The following DCC variants were observed in gnomAD, a reference collection of about 807,000 sequenced individuals.
The protein encoded by DCC is DCC netrin 1 receptor.
In DCC, 58 loss-of-function variants were observed where a neutral mutation model predicts 172.5. That is an observed-to-expected ratio of 0.34 (90% CI 0.27 to 0.42). The LOEUF is 0.42. DCC is among the 10% of genes least tolerant of loss of function. The pLI is 1.00. For missense variants in DCC, 1,740 were observed against 1,791.0 expected, an observed-to-expected ratio of 0.97 and a Z score of 0.51; for synonymous variants, 709 against 644.5, an observed-to-expected ratio of 1.10 and a Z score of -1.52.
intron 2 of DCC, among the ~76,000 whole-genome samples, chr18:52,898,221 T>G (rs562073060): frequency 6.6e-6 from 1 of 152,220 alleles, no homozygotes; most frequent in Non-Finnish European, 1.5e-5. Flanking sequence ...GATAAGTCTC[T>G]TTTTATTAAA....
At chr18:52,823,198 G>A (rs1334217635) in intron 2 of DCC, among the ~76,000 whole-genome samples, 1 of 152,116 alleles carries the variant, frequency 6.6e-6, no homozygotes. Flanking sequence ...GCCAGGCTTT[G>A]TGGCTCACAC....
intron 5 of DCC, among the ~76,000 whole-genome samples, chr18:52,975,706 G>A (rs1014606889): frequency 9.2e-5 from 14 of 152,162 alleles, no homozygotes; most frequent in African/African-American, 3.4e-4. Context: ...ATTTATGGCT[G>A]CATAGTATTC....
chr18:53,517,969 T>TAC (rs1235531847), intron 27 of DCC, among the ~76,000 whole-genome samples: 4 of 152,166 alleles, frequency 2.6e-5, no homozygotes, highest in Admixed American at 2.6e-4. Flanking sequence ...GGTAGAGTAT[T>TAC]ACACAAAGTT....
At chr18:52,876,807 A>G (rs1394218742) in intron 2 of DCC, among the ~76,000 whole-genome samples, 4 of 151,192 alleles carry the variant, frequency 2.6e-5, no homozygotes, top group Non-Finnish European at 4.4e-5. Flanking sequence ...TTTGCCTTCC[A>G]TATCTCCCCT....
chr18:53,525,304 C>A (rs1409852394), intron 27 of DCC, among the ~76,000 whole-genome samples: 1 of 152,060 alleles, frequency 6.6e-6, no homozygotes, highest in South Asian at 2.1e-4. Context: ...CTTTTGTAGG[C>A]ACTCAGTAAA....
intron 5 of DCC, among the ~76,000 whole-genome samples, chr18:53,037,320 C>A (rs1233918817): frequency 1.3e-5 from 2 of 151,918 alleles, no homozygotes; most frequent in African/African-American, 2.4e-5. Flanking sequence ...TAAAGGGAAA[C>A]AACTGGAAGT....
chr18:52,395,706 A>C (rs2144360392), intron 1 of DCC, among the ~76,000 whole-genome samples: 1 of 152,008 alleles, frequency 6.6e-6, no homozygotes, highest in South Asian at 2.1e-4. Flanking sequence ...CCTTCTTCTT[A>C]CTCTGGCAAA....
chr18:52,512,272 C>T (rs922939951), intron 1 of DCC, among the ~76,000 whole-genome samples: 1 of 152,180 alleles, frequency 6.6e-6, no homozygotes, highest in Non-Finnish European at 1.5e-5. Flanking sequence ...CCTCCATCTA[C>T]ATTTCCTCCT....
At chr18:53,429,898 A>G (rs530476507) in intron 21 of DCC, among the ~76,000 whole-genome samples, 1 of 152,234 alleles carries the variant, frequency 6.6e-6, no homozygotes, top group South Asian at 2.1e-4. Context: ...GTTCTTTTCT[A>G]TTAAAATATT....
intron 1 of DCC, among the ~76,000 whole-genome samples, chr18:52,486,368 A>G (rs1217966518): frequency 1.3e-5 from 2 of 152,074 alleles, no homozygotes; most frequent in African/African-American, 4.8e-5. Context: ...AGTAGTAGGG[A>G]TAGAGTTCAG....
intron 1 of DCC, among the ~76,000 whole-genome samples, chr18:52,351,260 G>A (rs1984108518): frequency 6.6e-6 from 1 of 152,136 alleles, no homozygotes; most frequent in Non-Finnish European, 1.5e-5. Context: ...ACATAATAAT[G>A]GCTTAGCTAA....
At position 53,226,211 on chromosome 18, in the gene DCC, A is replaced by G. The variant is rs182772878; in HGVS notation, c.1911+10614A>G. 5.6e-3 allele frequency among the ~76,000 whole-genome samples: 847 copies of G among 152,284 alleles called. 6 individuals carry two copies. Among genetic ancestry groups the G allele is most frequent in the Admixed American group, 0.023 (352 of 15,292 alleles). On this transcript the variant is annotated intron_variant, in intron 12 of 28. Transcript: ENST00000442544. ...AGGGAAGGGATGCAAATCAGAATAC[A>G]AAAATAAGCCTTGCATTCAAGTGGC...
At chr18:53,035,262 G>A (rs8085965) in intron 5 of DCC, among the ~76,000 whole-genome samples, 2 of 151,846 alleles carry the variant, frequency 1.3e-5, no homozygotes, top group Admixed American at 6.6e-5. Context: ...CATACCACCC[G>A]AAATGCACAT....
At chr18:52,947,093 C>T (rs1205832133) in intron 5 of DCC, among the ~76,000 whole-genome samples, 1 of 152,080 alleles carries the variant, frequency 6.6e-6, no homozygotes, top group East Asian at 1.9e-4. Context: ...ACTGCTCTTG[C>T]TTGTATCTTG....
At chr18:53,502,587 T>C (rs58484551) in intron 27 of DCC, among the ~76,000 whole-genome samples, 8,140 of 152,202 alleles carry the variant, frequency 0.053, 643 homozygotes, top group African/African-American at 0.17. Flanking sequence ...TCAAACCGAT[T>C]GATGAAGTAA....
intron 12 of DCC, among the ~76,000 whole-genome samples, chr18:53,229,828 T>C (rs2056095078): frequency 6.6e-6 from 1 of 152,050 alleles, no homozygotes; most frequent in Non-Finnish European, 1.5e-5. Flanking sequence ...GCTGTGAACA[T>C]GCAAAGGTAA....
chr18:53,520,369 C>G lies in DCC; in HGVS notation c.4112-6248C>G, dbSNP rs761851250. ...CCTTCTCATTTGAACATAGTCCATA[C>G]CAGCAGACTGATTATTTTACATAAA... is the stretch of plus-strand genomic sequence containing the variant. On this transcript the variant is annotated intron_variant, in intron 27 of 28. Transcript: ENST00000442544. Among the ~76,000 whole-genome samples the G allele has an allele frequency of 2.0e-5, 3 of 152,154 alleles. No individual in the cohort carries two copies. In the South Asian group the frequency reaches 6.2e-4, roughly 32 times the overall value.
chr18:52,563,483 T>C (rs1436387555), intron 1 of DCC, among the ~76,000 whole-genome samples: 1 of 152,166 alleles, frequency 6.6e-6, no homozygotes, highest in East Asian at 1.9e-4. Flanking sequence ...TCTTACATCT[T>C]GTATGAAACA....
chr18:52,836,982 A>T (rs887387524), intron 2 of DCC, among the ~76,000 whole-genome samples: 3 of 152,252 alleles, frequency 2.0e-5, no homozygotes, highest in Non-Finnish European at 4.4e-5. Context: ...TCAATTCTTG[A>T]CTTCTATGCA....
Sources: allele counts gnomAD v4.1 joint callset (sites outside exome capture counted in the v4.1 genomes callset), GRCh38; gene constraint gnomAD v4.1.1; transcripts MANE v1.5; gene names NCBI Gene and HGNC (gene_info 2026-07-23, HGNC 2026-07-21).